Variants in CDK13 observed in about 807,000 individuals in gnomAD.
The protein encoded by CDK13 is cyclin-dependent kinase 13.
CDK13 carries 40 observed loss-of-function variants against 137.6 expected under a neutral mutation model. The ratio of observed to expected loss-of-function variants is 0.29; its 90% CI spans 0.23 to 0.38. CDK13 has a LOEUF of 0.38. CDK13 is among the 10% of genes least tolerant of loss of function. The pLI is 1.00. For synonymous variants in CDK13, 869 were observed against 760.1 expected (o/e 1.14, Z -2.36); for missense variants, 1,704 against 1,951.8 (o/e 0.87, Z 2.39).
chr7:39,958,637 G>C (rs1393993392), intron 1 of CDK13, among the ~76,000 whole-genome samples: 1 of 151,854 alleles, frequency 6.6e-6, no homozygotes, highest in African/African-American at 2.4e-5. Context: ...GTATTCTGTT[G>C]TATGGATATA....
At chr7:40,022,407 C>T (rs1350275436) in intron 5 of CDK13, among the ~76,000 whole-genome samples, 2 of 152,148 alleles carry the variant, frequency 1.3e-5, no homozygotes, top group Non-Finnish European at 2.9e-5. Context: ...CATACTACAC[C>T]TTCTACCTTC....
chr7:40,045,363 T>G (rs1318244453), intron 5 of CDK13, among the ~76,000 whole-genome samples: 1 of 151,952 alleles, frequency 6.6e-6, no homozygotes, highest in Non-Finnish European at 1.5e-5. Flanking sequence ...TGGAGCTGTA[T>G]AAACAGAATT....
chr7:39,983,010 CTTTAG>C (rs1408956337), intron 1 of CDK13, among the ~76,000 whole-genome samples: 1 of 152,142 alleles, frequency 6.6e-6, no homozygotes, highest in Non-Finnish European at 1.5e-5. Context: ...TGCAGAAGCT[CTTTAG>C]TTTAATTAGA....
chr7:40,034,281 C>G (rs1785438385), intron 5 of CDK13, among the ~76,000 whole-genome samples: 2 of 152,172 alleles, frequency 1.3e-5, no homozygotes, highest in South Asian at 4.1e-4. Context: ...CTGAACCTGC[C>G]TGCCTCTCTC....
chr7:39,992,359 A>G (rs1017438916), intron 2 of CDK13, among the ~76,000 whole-genome samples: 1 of 151,928 alleles, frequency 6.6e-6, no homozygotes, highest in Non-Finnish European at 1.5e-5. Flanking sequence ...CAGCATGCCC[A>G]GCTAAATTTT....
chr7:40,048,465 G>A (rs1463049294), intron 7 of CDK13: 1 of 151,996 alleles, frequency 6.6e-6, no homozygotes, highest in Non-Finnish European at 1.5e-5. Context: ...AAATATTTTT[G>A]TGCAATAGTA....
chr7:40,045,622 C>G (rs1785719733), intron 5 of CDK13, among the ~76,000 whole-genome samples: 1 of 147,442 alleles, frequency 6.8e-6, no homozygotes. Context: ...TGTTTTTTTG[C>G]GGGGAGAAGA....
At chr7:40,081,972 TGAAA>T (rs1448735908) in intron 11 of CDK13, among the ~76,000 whole-genome samples, 1 of 152,184 alleles carries the variant, frequency 6.6e-6, no homozygotes, top group Admixed American at 6.5e-5. Context: ...TACAACCTAA[TGAAA>T]GAGAGGGCTG....
At chr7:39,998,065 A>T in intron 3 of CDK13, 1 of 166,522 alleles carries the variant, frequency 6.0e-6, no homozygotes, top group South Asian at 1.6e-4. Context: ...CCCATAAACA[A>T]ATATATTCTT....
intron 5 of CDK13, among the ~76,000 whole-genome samples, chr7:40,018,392 A>G (rs1304474845): frequency 7.1e-6 from 1 of 141,058 alleles, no homozygotes; most frequent in Admixed American, 6.6e-5. Flanking sequence ...GTATTTTTGG[A>G]AACATAAGGG....
At position 40,093,125 on chromosome 7, in the gene CDK13, G is replaced by A. The variant is rs1305254131; in HGVS notation, c.3576G>A (p.Lys1192=). The stretch of plus-strand genomic sequence containing the variant: ...CAGTTCTGTTGACTCAGTTAATAAA[G>A]GCTCAGCAGTCAAAGCAGAAAGATG... ...AFAVLLTQLI[K]AQQSKQKDVL... is the part of the protein sequence containing the mutation. Residue 1192 remains lysine, a synonymous_variant, in exon 13 of 14, where the codon AAG becomes AAA. Transcript: ENST00000181839. The A allele has an allele frequency of 1.2e-6, 2 of 1,614,184 alleles. No homozygotes were observed. Among genetic ancestry groups the A allele is most frequent in the Non-Finnish European group, 1.7e-6 (2 of 1,180,034 alleles).
rs902756842 is a variant in CDK13 at position 40,094,891 on chromosome 7, C to T, written c.4450C>T (p.Pro1484Ser). The T allele has an allele frequency of 2.0e-6, 3 of 1,513,760 alleles. No homozygotes were observed. The highest frequency in any genetic ancestry group is 4.6e-5 in the Admixed American group (2 of 43,826). The allele number at this position is 1,513,760 out of a possible 1,614,324, so 93.8% of individuals were successfully genotyped here. A position where few individuals can be genotyped will look rare whatever the true frequency, so the allele number is the denominator to read the frequency against. Residue 1484 changes from proline (P) to serine (S), a missense_variant, in exon 14 of 14, where the codon CCT becomes TCT. Pro to Ser is a moderately conservative substitution (Grantham distance 74). Coordinates refer to ENST00000181839, the MANE Select transcript of CDK13 (RefSeq NM_003718.5). ...SLMHGQTWTSPAQGPGYSQGY... is the reference protein window; with the variant it reads ...SLMHGQTWTSSAQGPGYSQGY... ...CATGCATGGACAGACCTGGACTTCT[C>T]CTGCCCAAGGACCTGGATATTCACA...
chr7:39,979,778 G>A (rs376857452), intron 1 of CDK13, among the ~76,000 whole-genome samples: 3 of 152,142 alleles, frequency 2.0e-5, no homozygotes, highest in Non-Finnish European at 4.4e-5. Context: ...ATCTGGATGG[G>A]TCCTGTGTAA....
chr7:39,997,847 C>A (rs1257668122), intron 3 of CDK13, 183 bp downstream of exon 3: 2 of 517,014 alleles, frequency 3.9e-6, no homozygotes, highest in Non-Finnish European at 6.8e-6. Context: ...TTCACAATGA[C>A]TAATAAAACC....
At chr7:39,958,703 T>A (rs1010003829) in intron 1 of CDK13, among the ~76,000 whole-genome samples, 3 of 152,174 alleles carry the variant, frequency 2.0e-5, no homozygotes, top group African/African-American at 4.8e-5. Flanking sequence ...GTTTTTTTTT[T>A]AATTTTTGCT....
chr7:39,969,682 T>G (rs1322499195), intron 1 of CDK13, among the ~76,000 whole-genome samples: 3 of 151,958 alleles, frequency 2.0e-5, no homozygotes, highest in South Asian at 2.1e-4. Context: ...TTTTTTTTTT[T>G]GTCAGTCTTT....
chr7:39,972,206 T>C (rs1413752180), intron 1 of CDK13, among the ~76,000 whole-genome samples: 1 of 152,218 alleles, frequency 6.6e-6, no homozygotes. Context: ...GTCTTTTTGT[T>C]GTTGTTGTCG....
intron 1 of CDK13, among the ~76,000 whole-genome samples, chr7:39,981,284 C>T (rs1460994056): frequency 6.6e-6 from 1 of 151,868 alleles, no homozygotes; most frequent in Non-Finnish European, 1.5e-5. Context: ...GTGGGACGAT[C>T]ACTTGACCCC....
rs553499653 is a variant in CDK13, at chr7:40,056,162, A to G, written c.2601-6664A>G. The stretch of plus-strand genomic sequence containing the variant: ...CGTTGGAACTTGCTTTTATGATTAA[A>G]TACTTCTGTCTGCACACTTTCTCAA... On this transcript the variant is annotated intron_variant, in intron 7 of 13. Coordinates refer to ENST00000181839, the MANE Select transcript of CDK13 (RefSeq NM_003718.5). Among the ~76,000 whole-genome samples the G allele has an allele frequency of 3.3e-5, 5 of 152,278 alleles. No individual in the cohort carries two copies. The East Asian group carries it at 9.7e-4, about 29-fold the overall frequency.
Sources: gnomAD v4.1 joint callset for allele counts (sites outside exome capture counted in the v4.1 genomes callset) on GRCh38, gnomAD v4.1.1 for gene constraint, MANE v1.5 for transcripts, NCBI Gene and HGNC (gene_info 2026-07-23, HGNC 2026-07-21) for gene names.